CFAP299: variants seen among roughly 807,000 people sequenced by gnomAD.
CFAP299 encodes the protein cilia- and flagella-associated protein 299.
In CFAP299, 21 loss-of-function variants were observed where a neutral mutation model predicts 27.0. That is an observed-to-expected ratio of 0.78 (90% CI 0.55 to 1.12). The LOEUF (loss-of-function observed/expected upper bound fraction) is 1.12, where lower values mean the gene tolerates loss of function less well. CFAP299 is among the 50% of genes most tolerant of loss of function. The pLI, the probability that CFAP299 is intolerant of heterozygous loss-of-function variation, is 0.00. For missense variants in CFAP299, 310 were observed against 276.6 expected (o/e 1.12, Z -0.86); for synonymous variants, 104 against 98.1 (o/e 1.06, Z -0.36).
chr4:80,383,613 T>C (rs1266404758), intron 2 of CFAP299, among the ~76,000 whole-genome samples: 1 of 152,202 alleles, frequency 6.6e-6, no homozygotes, highest in African/African-American at 2.4e-5. Flanking sequence ...AATTTTGTAA[T>C]GTTTTATTGT....
At chr4:80,462,952 G>C (rs1729518268) in intron 2 of CFAP299, among the ~76,000 whole-genome samples, 1 of 152,140 alleles carries the variant, frequency 6.6e-6, no homozygotes, top group South Asian at 2.1e-4. Context: ...CAGGACAGGA[G>C]AAGTTGACCC....
At chr4:80,693,698 T>TA (rs1201380644) in intron 3 of CFAP299, among the ~76,000 whole-genome samples, 17 of 149,890 alleles carry the variant, frequency 1.1e-4, no homozygotes, top group African/African-American at 3.0e-4. Flanking sequence ...TAATAATAAT[T>TA]TAAAAAAAAA....
At chr4:80,906,215 A>G (rs1387786355) in intron 4 of CFAP299, among the ~76,000 whole-genome samples, 3 of 152,232 alleles carry the variant, frequency 2.0e-5, no homozygotes, top group Non-Finnish European at 4.4e-5. Context: ...ATTAAAATTT[A>G]AAGTTCCAAA....
At chr4:80,655,830 G>A (rs1577980588) in intron 3 of CFAP299, among the ~76,000 whole-genome samples, 1 of 152,112 alleles carries the variant, frequency 6.6e-6, no homozygotes, top group East Asian at 1.9e-4. Context: ...TTCATTTTCT[G>A]AAACTATTCA....
At chr4:80,427,137 C>T (rs1212049704) in intron 2 of CFAP299, among the ~76,000 whole-genome samples, 1 of 152,148 alleles carries the variant, frequency 6.6e-6, no homozygotes, top group African/African-American at 2.4e-5. Flanking sequence ...ATAGTAATCT[C>T]TCATTTTTCT....
intron 3 of CFAP299, among the ~76,000 whole-genome samples, chr4:80,824,116 A>G (rs186283653): frequency 6.6e-6 from 1 of 152,328 alleles, no homozygotes; most frequent in East Asian, 1.9e-4. Flanking sequence ...TTGATGGAGT[A>G]GGAAGCACCA....
rs180926254 is a variant in CFAP299, at chr4:80,860,706, G to A, written c.334-9287G>A. On this transcript the variant is annotated intron_variant, in intron 3 of 5. Coordinates refer to ENST00000358105, the MANE Select transcript of CFAP299 (RefSeq NM_152770.3). ...ACTGTTTGCCTGGGTATCAGCAGCGGTGTCTGCAGAACAGTGGTTTTTCAT... is the reference window on the plus strand; with the variant it reads ...ACTGTTTGCCTGGGTATCAGCAGCGATGTCTGCAGAACAGTGGTTTTTCAT... Among the ~76,000 whole-genome samples the A allele has an allele frequency of 5.1e-3, 772 of 152,330 alleles. 9 individuals carry two copies. The highest frequency in any genetic ancestry group is 0.018 in the African/African-American group (740 of 41,574).
At chr4:80,819,717 A>G (rs1379406510) in intron 3 of CFAP299, among the ~76,000 whole-genome samples, 1 of 152,176 alleles carries the variant, frequency 6.6e-6, no homozygotes, top group Non-Finnish European at 1.5e-5. Flanking sequence ...GAACAGCCCA[A>G]TTCATAAAAT....
chr4:80,704,537 G>A (rs1721707340), intron 3 of CFAP299, among the ~76,000 whole-genome samples: 1 of 151,730 alleles, frequency 6.6e-6, no homozygotes, highest in African/African-American at 2.4e-5. Context: ...CATGCCTATG[G>A]ATACTATGTG....
chr4:80,362,933 C>G (rs1217238238), intron 2 of CFAP299, 49 bp downstream of exon 2: 2 of 1,540,312 alleles, frequency 1.3e-6, no homozygotes, highest in African/African-American at 1.4e-5. Context: ...TTCTAGACCT[C>G]TGGAGTAATT....
intron 2 of CFAP299, among the ~76,000 whole-genome samples, chr4:80,397,157 T>G (rs1003729119): frequency 6.6e-6 from 1 of 152,138 alleles, no homozygotes; most frequent in East Asian, 1.9e-4. Flanking sequence ...GATTTTCTAG[T>G]TTATTTGCGT....
At chr4:80,416,972 G>A (rs887692222) in intron 2 of CFAP299, among the ~76,000 whole-genome samples, 3 of 152,206 alleles carry the variant, frequency 2.0e-5, no homozygotes, top group Non-Finnish European at 2.9e-5. Flanking sequence ...GAAAGTAAAG[G>A]AACAAGGAAT....
intron 2 of CFAP299, among the ~76,000 whole-genome samples, chr4:80,464,323 A>G (rs929278624): frequency 1.3e-5 from 2 of 152,196 alleles, no homozygotes; most frequent in Admixed American, 1.3e-4. Flanking sequence ...TATATTTTCT[A>G]TGGATTTTAC....
At chr4:80,453,684 T>C (rs1398232220) in intron 2 of CFAP299, among the ~76,000 whole-genome samples, 6 of 151,272 alleles carry the variant, frequency 4.0e-5, no homozygotes, top group African/African-American at 1.2e-4. Flanking sequence ...CTACTAAAAA[T>C]ACAAAAATTA....
intron 1 of CFAP299, among the ~76,000 whole-genome samples, chr4:80,340,082 G>A (rs1005987920): frequency 2.0e-5 from 3 of 152,106 alleles, no homozygotes; most frequent in Non-Finnish European, 4.4e-5. Context: ...CTGTCATGGA[G>A]AAGAATGAAA....
intron 4 of CFAP299, among the ~76,000 whole-genome samples, chr4:80,889,364 A>G (rs1734133433): frequency 6.6e-6 from 1 of 152,046 alleles, no homozygotes; most frequent in African/African-American, 2.4e-5. Context: ...ATGCCTATAC[A>G]TTGAAAAACC....
chr4:80,930,826 C>G (rs1736576706), intron 4 of CFAP299, among the ~76,000 whole-genome samples: 3 of 152,130 alleles, frequency 2.0e-5, no homozygotes, highest in African/African-American at 7.2e-5. Flanking sequence ...GGCCATTTTT[C>G]CATCCCAAAT....
At chr4:80,816,219 T>C (rs912948119) in intron 3 of CFAP299, among the ~76,000 whole-genome samples, 2 of 152,104 alleles carry the variant, frequency 1.3e-5, no homozygotes, top group Non-Finnish European at 2.9e-5. Flanking sequence ...CAACTTACTC[T>C]GGCAGATAAT....
intron 2 of CFAP299, among the ~76,000 whole-genome samples, chr4:80,398,313 T>C (rs1725934172): frequency 6.6e-6 from 1 of 152,182 alleles, no homozygotes; most frequent in Non-Finnish European, 1.5e-5. Flanking sequence ...CCAATGACTT[T>C]CTTCACAGAA....
Sources: gnomAD v4.1 joint callset for allele counts (sites outside exome capture counted in the v4.1 genomes callset) on GRCh38, gnomAD v4.1.1 for gene constraint, MANE v1.5 for transcripts, NCBI Gene and HGNC (gene_info 2026-07-23, HGNC 2026-07-21) for gene names.